Variants in RNF220 observed in about 807,000 individuals in gnomAD.
RNF220 encodes ring finger protein 220.
A neutral mutation model predicts 67.1 loss-of-function variants in RNF220; 7 were observed. The observed-to-expected ratio is 0.10, with a 90% CI of 0.06 to 0.20. The LOEUF is 0.20. Ranked by LOEUF, RNF220 falls within the 10% of genes least tolerant of loss-of-function variation. The pLI, the probability that RNF220 is intolerant of heterozygous loss-of-function variation, is 1.00. For synonymous variants in RNF220, 270 were observed against 283.2 expected (o/e 0.95, Z 0.47); for missense variants, 565 against 740.3 (o/e 0.76, Z 2.75).
Position 44,411,903 on chromosome 1 carries a change from C to T in RNF220, c.-117-78C>T, listed in dbSNP as rs1572410805. On this transcript the variant is annotated intron_variant, in intron 1 of 14. Coordinates refer to ENST00000361799, the MANE Select transcript of RNF220 (RefSeq NM_018150.4). ...TCTGTGAGCCAGAAGGATGGTGTTT[C>T]GATCACTTGGGGTTTCCCTTTTTTT... 3 of 598,514 alleles carry T rather than the reference C, an allele frequency of 5.0e-6. No homozygotes were observed. The East Asian group carries it at 8.8e-5, about 18-fold the overall frequency. The allele number at this position is 598,514 out of a possible 1,614,324, so 37.1% of individuals were successfully genotyped here.
chr1:44,534,626 T>C (rs1572800528), intron 2 of RNF220, among the ~76,000 whole-genome samples: 1 of 152,202 alleles, frequency 6.6e-6, no homozygotes, highest in African/African-American at 2.4e-5. Context: ...TTCCTTAGAT[T>C]TGGGGATTAT....
intron 2 of RNF220, among the ~76,000 whole-genome samples, chr1:44,443,369 T>C (rs1262919809): frequency 6.6e-6 from 1 of 152,238 alleles, no homozygotes; most frequent in Non-Finnish European, 1.5e-5. Context: ...CTGTCCCTAC[T>C]TCTTTTCCCA....
At chr1:44,522,043 C>A (rs571586823) in intron 2 of RNF220, among the ~76,000 whole-genome samples, 3 of 152,012 alleles carry the variant, frequency 2.0e-5, no homozygotes, top group Admixed American at 6.5e-5. Context: ...GCAAGATGGC[C>A]GCAACTTTAG....
intron 2 of RNF220, among the ~76,000 whole-genome samples, chr1:44,517,856 C>T (rs1351722971): frequency 6.6e-6 from 1 of 152,240 alleles, no homozygotes; most frequent in Non-Finnish European, 1.5e-5. Flanking sequence ...CCTGTAATCC[C>T]AGCACTTTGG....
In RNF220 at chr1:44,565,513, G is replaced by A. The variant is rs1399104951; in HGVS notation, c.626-48652G>A. On this transcript the variant is annotated intron_variant, in intron 2 of 14. Transcript: ENST00000361799. This position sits in a 1 kb window ranked among gnomAD's most constrained non-coding sequence, Gnocchi z 4.2. The stretch of plus-strand genomic sequence containing the variant: ...GGGGACAGCAGGCAGGAAGCAGTGG[G>A]CCCATTCCTCAGCGCTAATGCCCCC... Among the ~76,000 whole-genome samples, 3 of 152,158 alleles carry A rather than the reference G, an allele frequency of 2.0e-5. No individual in the cohort carries two copies. Among genetic ancestry groups the A allele is most frequent in the African/African-American group, 7.2e-5 (3 of 41,430 alleles).
chr1:44,475,461 T>A (rs1216080240), intron 2 of RNF220, among the ~76,000 whole-genome samples: 1 of 148,906 alleles, frequency 6.7e-6, no homozygotes, highest in Admixed American at 6.8e-5. Context: ...TCCCAGCTAC[T>A]CAGGAGGCTG....
At chr1:44,426,652 G>A (rs6680114) in intron 2 of RNF220, among the ~76,000 whole-genome samples, 40,984 of 150,918 alleles carry the variant, frequency 0.27, 5,700 homozygotes, top group Admixed American at 0.31. Context: ...GCTTGAACTC[G>A]AGAGACAGAG....
At chr1:44,446,007 G>C (rs1652046246) in intron 2 of RNF220, among the ~76,000 whole-genome samples, 1 of 152,170 alleles carries the variant, frequency 6.6e-6, no homozygotes, top group African/African-American at 2.4e-5. Flanking sequence ...TTCCTTATTA[G>C]ACTGTAAATT....
chr1:44,448,168 G>A (rs1652295902), intron 2 of RNF220, among the ~76,000 whole-genome samples: 1 of 152,158 alleles, frequency 6.6e-6, no homozygotes, highest in African/African-American at 2.4e-5. Context: ...GTGTGGTGGT[G>A]TGCGCTTGTA....
rs555177052 is a variant in RNF220 at position 44,614,374 on chromosome 1, G to A, written c.758+77G>A. ...TGGCCACCGGATCCCAGAAGCAGCC[G>A]CCTGGCCCATACCCCAGCCCCTCGG... On this transcript the variant is annotated intron_variant, in intron 3 of 14. Coordinates refer to ENST00000361799, the MANE Select transcript of RNF220 (RefSeq NM_018150.4). 27 of 1,541,196 alleles carry A rather than the reference G, an allele frequency of 1.8e-5. 1 individual carries two copies. Among genetic ancestry groups the A allele is most frequent in the South Asian group, 8.4e-5 (7 of 83,714 alleles).
chr1:44,546,782 C>T (rs1402136412), intron 2 of RNF220, among the ~76,000 whole-genome samples: 1 of 152,186 alleles, frequency 6.6e-6, no homozygotes, highest in African/African-American at 2.4e-5. Context: ...CATTTCCCTC[C>T]ACCCATGTCT....
chr1:44,615,249 A>G (rs1643494616), intron 3 of RNF220, among the ~76,000 whole-genome samples: 1 of 152,190 alleles, frequency 6.6e-6, no homozygotes, highest in Non-Finnish European at 1.5e-5. Flanking sequence ...TGGAAGCTGG[A>G]TCACCTTTTA....
At chr1:44,605,166 G>T (rs1391474568) in intron 2 of RNF220, among the ~76,000 whole-genome samples, 1 of 152,104 alleles carries the variant, frequency 6.6e-6, no homozygotes, top group African/African-American at 2.4e-5. Context: ...GAGTGTGGTG[G>T]TGGGCACCTA....
chr1:44,649,644 T>C lies in RNF220; in HGVS notation c.1446-17T>C, dbSNP rs1644737348. Reference sequence around the variant, plus strand: ...GAGATGCCAGCCTGCTACCCAACCATGCCTTCCTTTTTACAGAATCACCGA... The same window carrying C: ...GAGATGCCAGCCTGCTACCCAACCACGCCTTCCTTTTTACAGAATCACCGA... On this transcript the variant is annotated splice_polypyrimidine_tract_variant and intron_variant, in intron 12 of 14. Transcript: ENST00000361799. This position sits in a 1 kb window ranked among gnomAD's most constrained non-coding sequence, Gnocchi z 5.9. The C allele has an allele frequency of 6.2e-7, 1 of 1,612,422 alleles. No homozygotes were observed. Among genetic ancestry groups the C allele is most frequent in the African/African-American group, 1.3e-5 (1 of 74,838 alleles).
At chr1:44,646,253 T>C (rs1376821222) in intron 12 of RNF220, among the ~76,000 whole-genome samples, 1 of 152,094 alleles carries the variant, frequency 6.6e-6, no homozygotes, top group Non-Finnish European at 1.5e-5. Flanking sequence ...GCCAGGAGAG[T>C]GGATTGGAGG....
intron 2 of RNF220, among the ~76,000 whole-genome samples, chr1:44,445,585 C>T (rs1185191217): frequency 6.6e-6 from 1 of 152,058 alleles, no homozygotes; most frequent in Non-Finnish European, 1.5e-5. Flanking sequence ...AATTGTTTTA[C>T]ACTTGCATTT....
chr1:44,485,288 T>C (rs1341132022), intron 2 of RNF220, among the ~76,000 whole-genome samples: 2 of 152,110 alleles, frequency 1.3e-5, no homozygotes, highest in Admixed American at 1.3e-4. Flanking sequence ...CTCCCCCCAA[T>C]CTCCTGCGCC....
rs1044641887 is a variant in RNF220, at chr1:44,649,014, GA to G, written c.1446-646del. 1 of 143,136 alleles carries G rather than the reference GA, an allele frequency of 7.0e-6. No individual in the cohort carries two copies. The highest frequency in any genetic ancestry group is 2.4e-5 in the African/African-American group (1 of 40,952). 8.9% of individuals were successfully genotyped at this position (143,136 alleles called of 1,614,324 possible). On this transcript the variant is annotated intron_variant, in intron 12 of 14. Coordinates refer to ENST00000361799, the MANE Select transcript of RNF220 (RefSeq NM_018150.4). This position sits in a 1 kb window ranked among gnomAD's most constrained non-coding sequence, Gnocchi z 5.9. ...ATGAGGCAGAGCTAGTGAGTCAGGCGAGGGGGTGCAGAGGGATCACAGTGCA... is the reference window on the plus strand; with the variant it reads ...ATGAGGCAGAGCTAGTGAGTCAGGCGGGGGGTGCAGAGGGATCACAGTGCA...
rs114779227 is a variant in RNF220, at chr1:44,469,584, A to G, written c.625+56862A>G. Among the ~76,000 whole-genome samples, 605 of 144,832 alleles carry G rather than the reference A, an allele frequency of 4.2e-3. 7 individuals carry two copies. Among genetic ancestry groups the G allele is most frequent in the African/African-American group, 0.015 (579 of 39,520 alleles). ...TTATTCATTCATTCATTCATTCACTAAATATTTACTGAGTTCCTTCTATGT... is the reference window on the plus strand; with the variant it reads ...TTATTCATTCATTCATTCATTCACTGAATATTTACTGAGTTCCTTCTATGT... On this transcript the variant is annotated intron_variant, in intron 2 of 14. Coordinates refer to ENST00000361799, the MANE Select transcript of RNF220 (RefSeq NM_018150.4).
Sources: allele counts gnomAD v4.1 joint callset (sites outside exome capture counted in the v4.1 genomes callset), GRCh38; gene constraint gnomAD v4.1.1; non-coding constraint Gnocchi (gnomAD v3.1); transcripts MANE v1.5; gene names NCBI Gene and HGNC (gene_info 2026-07-23, HGNC 2026-07-21).